Variants in REPS2 observed in about 807,000 individuals in gnomAD.
The protein encoded by REPS2 is RALBP1 associated Eps domain containing 2, also known as ralBP1-associated Eps domain-containing protein 2.
REPS2 carries 23 observed loss-of-function variants against 53.6 expected under a neutral mutation model. That is an observed-to-expected ratio of 0.43 (90% CI 0.31 to 0.61). REPS2 has a LOEUF of 0.61. Among genes scored for constraint, REPS2 ranks in the 20% least tolerant of loss-of-function variants. REPS2 has a pLI of 0.11. For missense variants in REPS2, 446 were observed against 534.9 expected (o/e 0.83, Z 1.64); for synonymous variants, 238 against 218.6 (o/e 1.09, Z -0.78).
chrX:17,138,803 A>G, intron 16 of REPS2, 53 bp from the exon 17 acceptor site: 1 of 824,277 alleles, frequency 1.2e-6, no homozygotes, highest in Non-Finnish European at 1.7e-6. Context: ...CTGACCCTCA[A>G]GGGTCCAGAC....
chrX:17,016,211 T>C (rs1302026443), intron 2 of REPS2, among the ~76,000 whole-genome samples: 7 of 111,608 alleles, frequency 6.3e-5, no homozygotes, highest in Non-Finnish European at 1.9e-5. Context: ...AAATGTCTTC[T>C]TTTGAGAAGT....
rs753029821 is a variant in REPS2 at position 16,970,865 on chromosome X, A to G, written c.273+23731A>G. On this transcript the variant is annotated intron_variant, in intron 1 of 17. Transcript: ENST00000357277. ...ATTGCCAGTTCTGCTGTATGGCTAT[A>G]CCACATTTTATTTATCAATTCATGA... Among the ~76,000 whole-genome samples, 3 of 112,643 alleles carry G rather than the reference A, an allele frequency of 2.7e-5. No individual in the cohort carries two copies. In the South Asian group the frequency reaches 1.1e-3, roughly 41 times the overall value.
chrX:17,084,395 C>A (rs1467171349), intron 13 of REPS2, among the ~76,000 whole-genome samples: 2 of 111,839 alleles, frequency 1.8e-5, no homozygotes, highest in South Asian at 7.3e-4. Flanking sequence ...CATATTTTTT[C>A]TTTCTCTTGA....
intron 5 of REPS2, among the ~76,000 whole-genome samples, chrX:17,046,974 A>G (rs1487077518): frequency 8.9e-6 from 1 of 112,525 alleles, no homozygotes; most frequent in Non-Finnish European, 1.9e-5. Flanking sequence ...TGTCATTTAA[A>G]AAGAATCCAG....
chrX:17,137,167 G>T (rs2063381456), intron 16 of REPS2: 1 of 112,337 alleles, frequency 8.9e-6, no homozygotes, highest in South Asian at 3.7e-4. Context: ...GAGTGGAATT[G>T]CTAGGTCATG....
chrX:17,047,583 A>G (rs1325944647), intron 6 of REPS2, 101 bp downstream of exon 6: 10 of 1,033,541 alleles, frequency 9.7e-6, no homozygotes, highest in Non-Finnish European at 1.3e-6. Context: ...CTGTGATTTC[A>G]GTTTGTTTTT....
rs35140640 is a variant in REPS2 at position 17,087,924 on chromosome X, C to CGATAGATAGATA, written c.1516+10562_1516+10573dup. On this transcript the variant is annotated intron_variant, in intron 13 of 17. Coordinates refer to ENST00000357277, the MANE Select transcript of REPS2 (RefSeq NM_004726.3). The stretch of plus-strand genomic sequence containing the variant: ...GGGCAAGGACAGAGTGAGACTCTGT[C>CGATAGATAGATA]GATAGATAGATAGATAGATAGATAG... Among the ~76,000 whole-genome samples, 367 of 91,304 alleles carry CGATAGATAGATA rather than the reference C, an allele frequency of 4.0e-3. 1 individual carries two copies. Among genetic ancestry groups the CGATAGATAGATA allele is most frequent in the Middle Eastern group, 0.011 (2 of 174 alleles). 79.3% of individuals were successfully genotyped at this position (91,304 alleles called of 115,157 possible).
At chrX:17,164,182 T>A in the REPS2 span, among the ~76,000 whole-genome samples, 1 of 111,752 alleles carries the variant, frequency 8.9e-6, no homozygotes, top group Non-Finnish European at 1.9e-5. Flanking sequence ...CCCAGGGCAA[T>A]GACTAAGACA....
At chrX:17,005,507 C>T (rs1484735526) in intron 1 of REPS2, among the ~76,000 whole-genome samples, 2 of 111,407 alleles carry the variant, frequency 1.8e-5, no homozygotes, top group African/African-American at 6.5e-5. Flanking sequence ...GTCTAAGACA[C>T]TGTATCATGT....
chrX:17,005,479 C>A (rs181119968), intron 1 of REPS2, among the ~76,000 whole-genome samples: 110 of 111,668 alleles, frequency 9.9e-4, no homozygotes, highest in African/African-American at 3.5e-3. Context: ...CTCCCTTCCC[C>A]CTTTTATTTT....
chrX:17,004,144 G>A (rs370804284), intron 1 of REPS2, among the ~76,000 whole-genome samples: 1 of 111,558 alleles, frequency 9.0e-6, no homozygotes, highest in East Asian at 2.8e-4. Flanking sequence ...AGTGTTACAG[G>A]TTTGGAGTTT....
intron 1 of REPS2, among the ~76,000 whole-genome samples, chrX:16,974,609 C>T (rs1334690190): frequency 9.0e-6 from 1 of 110,806 alleles, no homozygotes; most frequent in African/African-American, 3.3e-5. Context: ...TGCACCACTG[C>T]ACTCCAGCCT....
chrX:16,949,069 TTGGTGGTGGTGGTGG>T (rs3083679), intron 1 of REPS2, among the ~76,000 whole-genome samples: 10 of 104,081 alleles, frequency 9.6e-5, no homozygotes, highest in East Asian at 6.2e-4. Context: ...ACCCATCACT[TTGGTGGTGGTGGTGG>T]TGGTGGTGGT....
At chrX:17,136,319 C>T (rs772085263) in intron 16 of REPS2, 2 of 112,255 alleles carry the variant, frequency 1.8e-5, no homozygotes, top group Non-Finnish European at 3.8e-5. Context: ...CTGCAGCCCT[C>T]TCCTTCAGAA....
chrX:17,127,297 A>C (rs1373101334), intron 14 of REPS2, among the ~76,000 whole-genome samples: 1 of 111,743 alleles, frequency 8.9e-6, no homozygotes, highest in Admixed American at 9.5e-5. Flanking sequence ...CTTTTTACTC[A>C]CTGAATCTAG....
chrX:17,105,062 G>A (rs1257119851), intron 14 of REPS2, among the ~76,000 whole-genome samples: 1 of 109,615 alleles, frequency 9.1e-6, no homozygotes, highest in East Asian at 2.9e-4. Context: ...GGAAGTTGAA[G>A]TATATGGGGG....
At chrX:17,024,993 C>T in intron 3 of REPS2, 66 bp from the exon 4 acceptor site, 3 of 1,205,933 alleles carry the variant, frequency 2.5e-6, no homozygotes, top group Non-Finnish European at 3.4e-6. Flanking sequence ...CGTTATGCTT[C>T]CTGACTGCAG....
chrX:17,050,235 G>C (rs1214688260), intron 6 of REPS2, among the ~76,000 whole-genome samples: 5 of 74,963 alleles, frequency 6.7e-5, no homozygotes, highest in African/African-American at 2.8e-4. Context: ...CTGTGCCTAG[G>C]CTGGAGTGCA....
At chrX:17,067,421 G>C (rs867382883) in intron 9 of REPS2, among the ~76,000 whole-genome samples, 1 of 111,776 alleles carries the variant, frequency 8.9e-6, no homozygotes, top group African/African-American at 3.3e-5. Context: ...TTTTGGTGTG[G>C]TGAGAACATT....
Sources: gnomAD v4.1 joint callset for allele counts (sites outside exome capture counted in the v4.1 genomes callset) on GRCh38, gnomAD v4.1.1 for gene constraint, MANE v1.5 for transcripts, NCBI Gene and HGNC (gene_info 2026-07-23, HGNC 2026-07-21) for gene names.